The following C14orf132 variants were observed in gnomAD, a reference collection of about 807,000 sequenced individuals.
C14orf132 encodes uncharacterized protein C14orf132.
In C14orf132, 6 loss-of-function variants were observed where a neutral mutation model predicts 5.8. That is an observed-to-expected ratio of 1.03 (90% CI 0.57 to 2.04). C14orf132 has a LOEUF of 2.04. C14orf132 is among the 30% of genes most tolerant of loss of function. The pLI is 0.00. For synonymous variants in C14orf132, 51 were observed against 49.8 expected (o/e 1.02, Z -0.10); for missense variants, 125 against 115.8 (o/e 1.08, Z -0.37).
rs148612765 is a variant in C14orf132 at position 96,074,307 on chromosome 14, C to T, written c.28-12204C>T. On this transcript the variant is annotated intron_variant, in intron 1 of 1. Transcript: ENST00000555004. ...TGATTTGTAAATAGTTTCTTTCAGC[C>T]TGTGGCTTGTCTTTTCATTCTCTTA... 7.1e-3 allele frequency among the ~76,000 whole-genome samples: 1,074 copies of T among 152,244 alleles called. 10 individuals carry two copies. Among genetic ancestry groups the T allele is most frequent in the African/African-American group, 0.024 (1,014 of 41,538 alleles).
intron 1 of C14orf132, among the ~76,000 whole-genome samples, chr14:96,066,777 T>C (rs1887543666): frequency 6.6e-6 from 1 of 152,188 alleles, no homozygotes; most frequent in African/African-American, 2.4e-5. Flanking sequence ...TAACATAATA[T>C]ATTGTAATGT....
intron 1 of C14orf132, among the ~76,000 whole-genome samples, chr14:96,083,388 C>T (rs761505359): frequency 6.6e-6 from 1 of 152,104 alleles, no homozygotes; most frequent in Non-Finnish European, 1.5e-5. Flanking sequence ...CCAAGGATGT[C>T]CACGTCCTAA....
intron 1 of C14orf132, among the ~76,000 whole-genome samples, chr14:96,065,170 G>A (rs149052852): frequency 6.6e-6 from 1 of 152,224 alleles, no homozygotes; most frequent in Non-Finnish European, 1.5e-5. Flanking sequence ...GGATTGTGTT[G>A]GCACAGGATG....
rs1888216591 is a variant in C14orf132 at position 96,087,004 on chromosome 14, C to T, written c.*269C>T. On this transcript the variant is annotated 3_prime_UTR_variant, in exon 2 of 2. Transcript: ENST00000555004. ...GGCAGATTGGGGATCCTTGAAACTA[C>T]ATTCCAGGAACATGGGACCAGATGA... 2 of 519,276 alleles carry T rather than the reference C, an allele frequency of 3.9e-6. No homozygotes were observed. The highest frequency in any genetic ancestry group is 3.8e-5 in the African/African-American group (2 of 52,528). 32.2% of individuals were successfully genotyped at this position (519,276 alleles called of 1,614,324 possible).
intron 1 of C14orf132, among the ~76,000 whole-genome samples, chr14:96,056,091 C>T (rs959543689): frequency 3.8e-4 from 58 of 152,332 alleles, no homozygotes; most frequent in African/African-American, 1.3e-3. Flanking sequence ...TCAGTAAAGA[C>T]TTTATGATGC....
Position 96,039,517 on chromosome 14 carries a change from T to G in C14orf132, c.17T>G (p.Met6Arg). 6.7e-7 allele frequency: 1 copy of G among 1,503,070 alleles called. No homozygotes were observed. Among genetic ancestry groups the G allele is most frequent in the Non-Finnish European group, 8.9e-7 (1 of 1,129,908 alleles). 93.1% of individuals were successfully genotyped at this position (1,503,070 alleles called of 1,614,324 possible). The change falls in exon 1 of 2, where the codon ATG becomes AGG. Residue 6 changes from methionine to arginine, a missense_variant. Physicochemically the swap from Met to Arg is moderately conservative, Grantham distance 91 (BLOSUM62 -1). Coordinates refer to ENST00000555004, the MANE Select transcript of C14orf132 (RefSeq NM_001252507.3). This position sits in a 1 kb window ranked among gnomAD's most constrained non-coding sequence, Gnocchi z 5.3. MDLSF[M>R]AAQLPMMGGA... ...AGCGACACCATGGATCTCTCCTTTA[T>G]GGCCGCGCAGGTAACGGGGCGTCCC...
At chr14:96,058,989 C>CA (rs1887266112) in intron 1 of C14orf132, among the ~76,000 whole-genome samples, 1 of 152,254 alleles carries the variant, frequency 6.6e-6, no homozygotes, top group Non-Finnish European at 1.5e-5. Context: ...AGGCTGGGCG[C>CA]AGTGGCTCAT....
intron 1 of C14orf132, among the ~76,000 whole-genome samples, chr14:96,061,240 G>A (rs961451213): frequency 3.3e-5 from 5 of 152,138 alleles, no homozygotes; most frequent in Non-Finnish European, 4.4e-5. Flanking sequence ...GAACGATAAG[G>A]CCCAGAGAGG....
Position 96,091,228 on chromosome 14 carries a change from G to C in C14orf132, c.*4493G>C, listed in dbSNP as rs1043274188. ...GGACCATCTCGGGATATGAGGCCTC[G>C]GAGGCTGGGGTTGAGATTTGGTCCT... On this transcript the variant is annotated 3_prime_UTR_variant, in exon 2 of 2. Coordinates refer to ENST00000555004, the MANE Select transcript of C14orf132 (RefSeq NM_001252507.3). The C allele has an allele frequency of 1.7e-5, 6 of 356,888 alleles. No homozygotes were observed. In the Admixed American group the frequency reaches 2.3e-4, roughly 13 times the overall value. The allele number at this position is 356,888 out of a possible 1,614,324, so 22.1% of individuals were successfully genotyped here. A position where few individuals can be genotyped will look rare whatever the true frequency, so the allele number is the denominator to read the frequency against.
chr14:96,056,866 T>A (rs1887198830), intron 1 of C14orf132, among the ~76,000 whole-genome samples: 1 of 152,134 alleles, frequency 6.6e-6, no homozygotes, highest in South Asian at 2.1e-4. Flanking sequence ...CACGCCTCCT[T>A]CTGTGATGTA....
chr14:96,040,438 G>A, intron 1 of C14orf132: 1 of 394,660 alleles, frequency 2.5e-6, no homozygotes, highest in Non-Finnish European at 4.5e-6. Flanking sequence ...GGTGGGAGCA[G>A]AGAGGTCGGG....
chr14:96,056,968 G>A (rs936953479), intron 1 of C14orf132, among the ~76,000 whole-genome samples: 17 of 152,174 alleles, frequency 1.1e-4, no homozygotes, highest in African/African-American at 3.4e-4. Flanking sequence ...GACCAGGGCC[G>A]CTGGCCTCAA....
Position 96,090,819 on chromosome 14 carries a change from C to T in C14orf132, c.*4084C>T, listed in dbSNP as rs777907944. On this transcript the variant is annotated 3_prime_UTR_variant, in exon 2 of 2. Coordinates refer to ENST00000555004, the MANE Select transcript of C14orf132 (RefSeq NM_001252507.3). ...ACTCTGGCGTCTCCTGAAGTGGGTCCCTGGAGACCGAAGAGGCTCAGTGGA... is the reference window on the plus strand; with the variant it reads ...ACTCTGGCGTCTCCTGAAGTGGGTCTCTGGAGACCGAAGAGGCTCAGTGGA... The T allele has an allele frequency of 4.4e-6, 2 of 456,090 alleles. No individual in the cohort carries two copies. The highest frequency in any genetic ancestry group is 1.5e-5 in the South Asian group (1 of 64,564). The allele number at this position is 456,090 out of a possible 1,614,324, so 28.3% of individuals were successfully genotyped here.
intron 1 of C14orf132, among the ~76,000 whole-genome samples, chr14:96,075,746 G>A: frequency 6.6e-6 from 1 of 151,992 alleles, no homozygotes; most frequent in East Asian, 1.9e-4. Flanking sequence ...ATTTTTTTTG[G>A]ATGTTGAATA....
rs143569685 is a variant in C14orf132 at position 96,043,941 on chromosome 14, T to A, written c.27+4414T>A. Among the ~76,000 whole-genome samples the A allele has an allele frequency of 5.0e-3, 757 of 152,304 alleles. 4 individuals are homozygous for A. Among genetic ancestry groups the A allele is most frequent in the African/African-American group, 0.017 (704 of 41,560 alleles). ...GTGGGAAACCTGTAGTTGAGGTGGG[T>A]GCCTTTATTATTCCCATCATCAAGA... On this transcript the variant is annotated intron_variant, in intron 1 of 1. Coordinates refer to ENST00000555004, the MANE Select transcript of C14orf132 (RefSeq NM_001252507.3).
intron 1 of C14orf132, among the ~76,000 whole-genome samples, chr14:96,085,599 C>T (rs566403612): frequency 7.9e-5 from 12 of 152,306 alleles, no homozygotes; most frequent in Non-Finnish European, 1.6e-4. Flanking sequence ...TGATGTGCGG[C>T]GTGGGCGGTG....
At chr14:96,053,924 C>G (rs950685043) in intron 1 of C14orf132, among the ~76,000 whole-genome samples, 1 of 152,222 alleles carries the variant, frequency 6.6e-6, no homozygotes, top group Non-Finnish European at 1.5e-5. Flanking sequence ...CTTTACCCAT[C>G]TGTCTGCCTC....
intron 1 of C14orf132, among the ~76,000 whole-genome samples, chr14:96,044,725 C>G (rs143880100): frequency 2.3e-4 from 35 of 152,282 alleles, no homozygotes; most frequent in Non-Finnish European, 4.1e-4. Flanking sequence ...CCTTGGCATT[C>G]CTTGGCTTGT....
At chr14:96,043,379 A>G (rs1019437405) in intron 1 of C14orf132, among the ~76,000 whole-genome samples, 1 of 152,168 alleles carries the variant, frequency 6.6e-6, no homozygotes, top group African/African-American at 2.4e-5. Flanking sequence ...AATGGGATGG[A>G]CAACAGAGAC....
Sources: allele counts gnomAD v4.1 joint callset (sites outside exome capture counted in the v4.1 genomes callset), GRCh38; gene constraint gnomAD v4.1.1; non-coding constraint Gnocchi (gnomAD v3.1); transcripts MANE v1.5; gene names NCBI Gene and HGNC (gene_info 2026-07-23, HGNC 2026-07-21).